CNOT6: variants seen among roughly 807,000 people sequenced by gnomAD.
The protein encoded by CNOT6 is CCR4-NOT transcription complex subunit 6, also known as carbon catabolite repression 4 protein.
In CNOT6, 12 loss-of-function variants were observed where a neutral mutation model predicts 61.2. The ratio of observed to expected loss-of-function variants is 0.20; its 90% confidence interval spans 0.13 to 0.32. The LOEUF is 0.32. Ranked by LOEUF, CNOT6 falls within the 10% of genes least tolerant of loss-of-function variation. CNOT6 has a pLI of 1.00. For missense variants in CNOT6, 405 were observed against 663.9 expected (o/e 0.61, Z 4.28); for synonymous variants, 225 against 240.6 (o/e 0.94, Z 0.60).
intron 3 of CNOT6, among the ~76,000 whole-genome samples, chr5:180,551,541 G>GATT: frequency 6.6e-6 from 1 of 152,168 alleles, no homozygotes; most frequent in East Asian, 1.9e-4. Flanking sequence ...GCTGGCCCAT[G>GATT]ATTATTATTA....
chr5:180,502,285 TA>T (rs941907923), intron 1 of CNOT6, among the ~76,000 whole-genome samples: 3 of 152,026 alleles, frequency 2.0e-5, no homozygotes, highest in East Asian at 1.9e-4. Context: ...TCAAAAACAA[TA>T]AAAAAAACTC....
chr5:180,571,335 A>G lies in CNOT6; in HGVS notation c.1364A>G (p.Asn455Ser), dbSNP rs767176840. ...SLTNFSCHGK[N>S]GTTNGRITHG... ...ACAAACTTCAGCTGTCATGGGAAGA[A>G]TGGAACCACCAATGGAAGGATCACT... is the stretch of plus-strand genomic sequence containing the variant. Residue 455 changes from asparagine to serine, a missense_variant, in exon 11 of 12, where the codon AAT (asparagine) becomes AGT (serine). Coordinates refer to ENST00000261951, the MANE Select transcript of CNOT6 (RefSeq NM_001370472.1). 2.5e-6 allele frequency: 4 copies of G among 1,614,132 alleles called. No individual in the cohort carries two copies. In the South Asian group the frequency reaches 4.4e-5, roughly 18 times the overall value.
chr5:180,533,408 G>GTTA (rs1475727091), intron 2 of CNOT6, among the ~76,000 whole-genome samples: 1 of 150,046 alleles, frequency 6.7e-6, no homozygotes, highest in Non-Finnish European at 1.5e-5. Flanking sequence ...TTAATTTATT[G>GTTA]TTATTATTAT....
chr5:180,548,436 A>T (rs1033173141), intron 2 of CNOT6, among the ~76,000 whole-genome samples: 1 of 152,116 alleles, frequency 6.6e-6, no homozygotes, highest in Non-Finnish European at 1.5e-5. Context: ...GCCCCATCAG[A>T]TCTCCAGACT....
intron 3 of CNOT6, among the ~76,000 whole-genome samples, chr5:180,552,341 T>C (rs1759647160): frequency 6.6e-6 from 1 of 151,876 alleles, no homozygotes; most frequent in Non-Finnish European, 1.5e-5. Context: ...TCTTGCACAC[T>C]TAAAAAGTGA....
chr5:180,540,958 G>A (rs1487514545), intron 2 of CNOT6, among the ~76,000 whole-genome samples: 3 of 152,112 alleles, frequency 2.0e-5, no homozygotes, highest in East Asian at 1.9e-4. Flanking sequence ...ACAAAAAGAC[G>A]TAATGGGGTC....
chr5:180,503,333 G>A (rs1409688517), intron 1 of CNOT6, among the ~76,000 whole-genome samples: 5 of 148,242 alleles, frequency 3.4e-5, no homozygotes, highest in African/African-American at 9.9e-5. Flanking sequence ...GAGCAATCTC[G>A]GCTCACTGCA....
intron 1 of CNOT6, among the ~76,000 whole-genome samples, chr5:180,502,177 G>T (rs1169970391): frequency 2.0e-5 from 3 of 152,130 alleles, no homozygotes; most frequent in Non-Finnish European, 4.4e-5. Flanking sequence ...TGTATATTGC[G>T]TGTATGTTTC....
rs146220320 is a variant in CNOT6 at position 180,552,611 on chromosome 5, A to T, written c.300-775A>T. ...CAGTGAGCCGAGATCGCATCACTGC[A>T]CTCCAGCCTGGGCAATGGAGCGAGA... is the stretch of plus-strand genomic sequence containing the variant. On this transcript the variant is annotated intron_variant, in intron 3 of 11. Transcript: ENST00000261951. 1.4e-3 allele frequency among the ~76,000 whole-genome samples: 204 copies of T among 150,514 alleles called. 2 individuals carry two copies. In the East Asian group the frequency reaches 0.031, roughly 23 times the overall value.
intron 1 of CNOT6, among the ~76,000 whole-genome samples, chr5:180,503,583 G>A (rs1280509237): frequency 7.1e-6 from 1 of 141,062 alleles, no homozygotes; most frequent in Non-Finnish European, 1.5e-5. Context: ...TATTCTTACT[G>A]ACACTGTGCC....
At chr5:180,509,748 C>T (rs1279214844) in intron 1 of CNOT6, among the ~76,000 whole-genome samples, 1 of 151,474 alleles carries the variant, frequency 6.6e-6, no homozygotes, top group Non-Finnish European at 1.5e-5. Context: ...ACAGGATCTC[C>T]CTATGCTGCC....
At position 180,503,601 on chromosome 5, in the gene CNOT6, CTTTTTTTT is replaced by C. The variant is rs56187510; in HGVS notation, c.-3+8855_-3+8862del. On this transcript the variant is annotated intron_variant, in intron 1 of 11. Transcript: ENST00000261951. The stretch of plus-strand genomic sequence containing the variant: ...TCTTACTGACACTGTGCCCTACTTC[CTTTTTTTT>C]TTTTTTTTTTTTTTTTGAGAGAGTC... 2.1e-3 allele frequency among the ~76,000 whole-genome samples: 138 copies of C among 66,138 alleles called. No individual in the cohort carries two copies. The South Asian group carries it at 0.052, about 25-fold the overall frequency. The allele number at this position is 66,138 out of a possible 152,430, so 43.4% of individuals were successfully genotyped here. A position where few individuals can be genotyped will look rare whatever the true frequency, so the allele number is the denominator to read the frequency against.
chr5:180,577,946 C>A lies in CNOT6; in HGVS notation c.*3746C>A, dbSNP rs573872774. 1.3e-5 allele frequency: 2 copies of A among 152,654 alleles called. No homozygotes were observed. Among genetic ancestry groups the A allele is most frequent in the East Asian group, 3.9e-4 (2 of 5,176 alleles). The allele number at this position is 152,654 out of a possible 1,614,324, so 9.5% of individuals were successfully genotyped here. On this transcript the variant is annotated 3_prime_UTR_variant, in exon 12 of 12. Coordinates refer to ENST00000261951, the MANE Select transcript of CNOT6 (RefSeq NM_001370472.1). ...ATGTATTTTCCTACTCATAGCCAAC[C>A]AATAAATTCAGTATCTGTTTCAAAT...
intron 4 of CNOT6, among the ~76,000 whole-genome samples, chr5:180,558,256 C>G (rs1217770262): frequency 6.6e-6 from 1 of 152,090 alleles, no homozygotes. Flanking sequence ...TCTTTAGTCT[C>G]AGAGGCCAAG....
intron 2 of CNOT6, among the ~76,000 whole-genome samples, chr5:180,541,669 G>T (rs540493190): frequency 2.6e-5 from 4 of 151,490 alleles, no homozygotes; most frequent in Non-Finnish European, 5.9e-5. Context: ...AGCCAGGATG[G>T]TCTCGATCTC....
intron 1 of CNOT6, among the ~76,000 whole-genome samples, chr5:180,500,498 C>T (rs551322252): frequency 1.3e-4 from 20 of 148,940 alleles, no homozygotes; most frequent in South Asian, 4.2e-4. Context: ...AGTGCAGTGG[C>T]GCTATCTAGG....
intron 1 of CNOT6, among the ~76,000 whole-genome samples, chr5:180,528,758 C>G (rs1419406169): frequency 1.3e-5 from 2 of 152,202 alleles, no homozygotes; most frequent in South Asian, 2.1e-4. Flanking sequence ...GAAGCTTCTT[C>G]AAGCTGGCTT....
chr5:180,524,881 G>A (rs976521326), intron 1 of CNOT6, among the ~76,000 whole-genome samples: 4 of 152,230 alleles, frequency 2.6e-5, no homozygotes, highest in Admixed American at 2.6e-4. Flanking sequence ...TACTTTGTAA[G>A]TGGAGTCTGG....
intron 2 of CNOT6, among the ~76,000 whole-genome samples, chr5:180,530,543 TTTTCCCTCTTCTGA>T (rs1174844983): frequency 6.6e-6 from 1 of 151,826 alleles, no homozygotes; most frequent in Non-Finnish European, 1.5e-5. Flanking sequence ...GTCTCTCCTG[TTTTCCCTCTTCTGA>T]TTTCTTTTTT....
Sources: allele counts gnomAD v4.1 joint callset (sites outside exome capture counted in the v4.1 genomes callset), GRCh38; gene constraint gnomAD v4.1.1; transcripts MANE v1.5; gene names NCBI Gene and HGNC (gene_info 2026-07-23, HGNC 2026-07-21).